MS4A7: variants seen among roughly 807,000 people sequenced by gnomAD.
The protein encoded by MS4A7 is membrane-spanning 4-domains subfamily A member 7.
In MS4A7, 21 loss-of-function variants were observed where a neutral mutation model predicts 23.5. That is an observed-to-expected ratio of 0.89 (90% CI 0.63 to 1.29). The LOEUF is 1.29. Ranked by LOEUF, MS4A7 falls within the 50% of genes most tolerant of loss-of-function variation. The probability of loss-of-function intolerance (pLI) is 0.00; values close to 1 mark genes in which losing one functional copy is unlikely to be tolerated. For synonymous variants in MS4A7, 111 were observed against 107.4 expected, an observed-to-expected ratio of 1.03 and a Z score of -0.21; for missense variants, 263 against 274.2, an observed-to-expected ratio of 0.96 and a Z score of 0.29.
chr11:60,393,608 A>G (rs888158556), intron 6 of MS4A7, among the ~76,000 whole-genome samples, 179 bp from the exon 7 acceptor site: 4 of 152,360 alleles, frequency 2.6e-5, no homozygotes, highest in Admixed American at 1.3e-4. Flanking sequence ...TTAAAATAGT[A>G]AAATAATTAG....
In MS4A7 at chr11:60,392,773, CCAA is replaced by C; in HGVS notation, c.640_642del (p.Asn214del). On this transcript the variant is annotated inframe_deletion, in exon 6 of 7. Transcript: ENST00000300184. ...GTCTTTTGGTGGAAACAGCTCTACTCCAACAACCCTGGGGTGAGTATGCTGACA... is the reference window on the plus strand; with the variant it reads ...GTCTTTTGGTGGAAACAGCTCTACTCCAACCCTGGGGTGAGTATGCTGACA... 2 of 1,613,010 alleles carry C rather than the reference CCAA, an allele frequency of 1.2e-6. No individual in the cohort carries two copies. The highest frequency in any genetic ancestry group is 2.2e-5 in the South Asian group (2 of 91,046).
intron 1 of MS4A7, among the ~76,000 whole-genome samples, chr11:60,382,480 T>C (rs1221902909): frequency 1.3e-5 from 2 of 152,232 alleles, no homozygotes; most frequent in Non-Finnish European, 2.9e-5. Context: ...TAATAACATG[T>C]AAGTTACAGG....
chr11:60,382,880 A>C (rs1292425662), intron 1 of MS4A7, among the ~76,000 whole-genome samples: 1 of 152,216 alleles, frequency 6.6e-6, no homozygotes, highest in Non-Finnish European at 1.5e-5. Flanking sequence ...CTCACCTCTC[A>C]ATTGTGGGAC....
chr11:60,393,132 A>G (rs1432093026), intron 6 of MS4A7, among the ~76,000 whole-genome samples: 2 of 152,024 alleles, frequency 1.3e-5, no homozygotes, highest in African/African-American at 4.8e-5. Flanking sequence ...AAAAAAAAAA[A>G]GAGTTTGTAT....
In MS4A7 at chr11:60,395,506, C is replaced by A. The variant is rs1342449082; in HGVS notation, c.*1645C>A. The stretch of plus-strand genomic sequence containing the variant: ...TTATGAAACAATTTACCTTCATGAT[C>A]TCATAGTTAAAATTGTAATAAATTT... On this transcript the variant is annotated 3_prime_UTR_variant, in exon 7 of 7. Transcript: ENST00000300184. 1 of 152,010 alleles carries A rather than the reference C, an allele frequency of 6.6e-6. No homozygotes were observed. The highest frequency in any genetic ancestry group is 6.5e-5 in the Admixed American group (1 of 15,272). 9.4% of individuals were successfully genotyped at this position (152,010 alleles called of 1,614,324 possible).
chr11:60,389,652 G>A (rs763007585), intron 5 of MS4A7, 56 bp downstream of exon 5: 2 of 1,496,236 alleles, frequency 1.3e-6, no homozygotes, highest in East Asian at 2.3e-5. Context: ...TCTCCCCTTT[G>A]CATACTCTCT....
rs117131388 is a variant in MS4A7, at chr11:60,380,549, C to T, written c.-14+1885C>T. Among the ~76,000 whole-genome samples the T allele has an allele frequency of 2.8e-3, 429 of 152,280 alleles. 10 individuals are homozygous for T. The East Asian group carries it at 0.043, about 15-fold the overall frequency. ...AAAGTATCAATTAAACTTTCGAGTCCTAGCTTCAGGCTGAGAATCAAGCAT... is the reference window on the plus strand; with the variant it reads ...AAAGTATCAATTAAACTTTCGAGTCTTAGCTTCAGGCTGAGAATCAAGCAT... On this transcript the variant is annotated intron_variant, in intron 1 of 6. Transcript: ENST00000300184.
intron 1 of MS4A7, among the ~76,000 whole-genome samples, chr11:60,379,874 C>T (rs1838095): frequency 0.6 from 91,462 of 152,032 alleles, 28,126 homozygotes; most frequent in Middle Eastern, 0.76. Context: ...GCATTAAGCA[C>T]ATTCACACCA....
rs998660023 is a variant in MS4A7 at position 60,394,727 on chromosome 11, G to A, written c.*866G>A. The A allele has an allele frequency of 8.6e-6, 2 of 233,222 alleles. No individual in the cohort carries two copies. The highest frequency in any genetic ancestry group is 8.1e-6 in the Non-Finnish European group (1 of 123,932). 14.4% of individuals were successfully genotyped at this position (233,222 alleles called of 1,614,324 possible). ...TGAGGCAGAAGAATCACTTGAACCC[G>A]GGAAGGGGAGGTTGCAGTGAGCGGA... On this transcript the variant is annotated 3_prime_UTR_variant, in exon 7 of 7. Transcript: ENST00000300184.
rs2085525642 is a variant in MS4A7, at chr11:60,389,411, A to C, written c.361A>C (p.Asn121His). 1 of 1,612,814 alleles carries C rather than the reference A, an allele frequency of 6.2e-7. No individual in the cohort carries two copies. The highest frequency in any genetic ancestry group is 8.5e-7 in the Non-Finnish European group (1 of 1,179,418). ...CCAGGACCTGAGCAGCTTGACCTCA[A>C]ATGCAGTGAGTTCTGTTACTGCAGG... is the stretch of plus-strand genomic sequence containing the variant. ...KPFDLSSLTS[N>H]AVSSVTAGAG... Residue 121 changes from asparagine (N) to histidine (H), a missense_variant, in exon 5 of 7, where the codon AAT becomes CAT. Transcript: ENST00000300184.
At chr11:60,379,113 C>T (rs565698584) in intron 1 of MS4A7, among the ~76,000 whole-genome samples, 4 of 152,244 alleles carry the variant, frequency 2.6e-5, no homozygotes, top group East Asian at 1.9e-4. Context: ...CTCCTCAAGG[C>T]GAATGTGGAA....
At chr11:60,384,982 C>A in intron 2 of MS4A7, 106 bp from the exon 3 acceptor site, 1 of 1,072,428 alleles carries the variant, frequency 9.3e-7, no homozygotes, top group Non-Finnish European at 1.3e-6. Context: ...TTTAATATAA[C>A]AAATTATAAT....
In MS4A7 at chr11:60,385,107, G is replaced by T; in HGVS notation, c.167G>T (p.Cys56Phe). 2 of 1,613,896 alleles carry T rather than the reference G, an allele frequency of 1.2e-6. No individual in the cohort carries two copies. The highest frequency in any genetic ancestry group is 1.7e-5 in the Admixed American group (1 of 60,008). Residue 56 changes from cysteine to phenylalanine, a missense_variant, in exon 3 of 7, where the codon TGC (cysteine) becomes TTC (phenylalanine). Physicochemically the swap from Cys to Phe is radical, Grantham distance 205. Transcript: ENST00000300184. ...TVLGTVQILC[C>F]LLISSLGAIL... Reference sequence around the variant, plus strand: ...TTGTAGACTGTCCAGATCCTGTGTTGCCTGTTGATTTCAAGTCTGGGGGCC... The same window carrying T: ...TTGTAGACTGTCCAGATCCTGTGTTTCCTGTTGATTTCAAGTCTGGGGGCC...
chr11:60,392,664 C>G, intron 5 of MS4A7, 21 bp from the exon 6 acceptor site: 1 of 1,595,154 alleles, frequency 6.3e-7, no homozygotes, highest in East Asian at 2.2e-5. Context: ...GGGTACCAGC[C>G]ATTCATGTCC....
chr11:60,392,737 C>T lies in MS4A7; in HGVS notation c.599C>T (p.Ala200Val), dbSNP rs1028430569. 6.2e-7 allele frequency: 1 copy of T among 1,614,022 alleles called. No homozygotes were observed. Among genetic ancestry groups the T allele is most frequent in the Non-Finnish European group, 8.5e-7 (1 of 1,179,962 alleles). The change falls in exon 6 of 7, where the codon GCA becomes GTA. Residue 200 changes from alanine to valine, a missense_variant. Physicochemically the swap from Ala to Val is moderately conservative, Grantham distance 64. Coordinates refer to ENST00000300184, the MANE Select transcript of MS4A7 (RefSeq NM_021201.5). Reference sequence around the variant, plus strand: ...ACTGTGCTGGAGCTCTTATTAGCTGCATACAGTTCTGTCTTTTGGTGGAAA... The same window carrying T: ...ACTGTGCTGGAGCTCTTATTAGCTGTATACAGTTCTGTCTTTTGGTGGAAA... ...IFTVLELLLA[A>V]YSSVFWWKQL...
In MS4A7 at chr11:60,394,948, T is replaced by C. The variant is rs1307035056; in HGVS notation, c.*1087T>C. On this transcript the variant is annotated 3_prime_UTR_variant, in exon 7 of 7. Transcript: ENST00000300184. ...TATGTTCTCTTCTGTCATTTCAGGG[T>C]AGGAGTCAATGAAGACATCTTAGTC... 2 of 662,196 alleles carry C rather than the reference T, an allele frequency of 3.0e-6. No individual in the cohort carries two copies. Among genetic ancestry groups the C allele is most frequent in the Non-Finnish European group, 5.5e-6 (2 of 360,850 alleles). The allele number at this position is 662,196 out of a possible 1,614,324, so 41.0% of individuals were successfully genotyped here.
chr11:60,393,964 C>T lies in MS4A7; in HGVS notation c.*103C>T. 3.4e-6 allele frequency: 2 copies of T among 590,986 alleles called. No individual in the cohort carries two copies. Among genetic ancestry groups the T allele is most frequent in the East Asian group, 3.2e-5 (1 of 30,872 alleles). The allele number at this position is 590,986 out of a possible 1,614,324, so 36.6% of individuals were successfully genotyped here. On this transcript the variant is annotated 3_prime_UTR_variant, in exon 7 of 7. Coordinates refer to ENST00000300184, the MANE Select transcript of MS4A7 (RefSeq NM_021201.5). ...GCCATTTTAGATACTGTGAAACAAA[C>T]TAAAAAAAAAAAAGCTTTTGTTTTG...
At chr11:60,378,913 A>G (rs1453335106) in intron 1 of MS4A7, among the ~76,000 whole-genome samples, 1 of 152,222 alleles carries the variant, frequency 6.6e-6, no homozygotes, top group Non-Finnish European at 1.5e-5. Flanking sequence ...TGTGTCACTC[A>G]GTCTTACAGA....
chr11:60,392,584 C>A, intron 5 of MS4A7, 101 bp from the exon 6 acceptor site: 1 of 796,454 alleles, frequency 1.3e-6, no homozygotes, highest in Non-Finnish European at 2.1e-6. Context: ...TCCCTGTCTC[C>A]TTTTCTCTGC....
Sources: allele counts gnomAD v4.1 joint callset (sites outside exome capture counted in the v4.1 genomes callset), GRCh38; gene constraint gnomAD v4.1.1; transcripts MANE v1.5; gene names NCBI Gene and HGNC (gene_info 2026-07-23, HGNC 2026-07-21).